ATG10: variants seen among roughly 807,000 people sequenced by gnomAD.
The protein encoded by ATG10 is autophagy related 10.
In ATG10, 30 loss-of-function variants were observed where a neutral mutation model predicts 32.1. The ratio of observed to expected loss-of-function variants is 0.94; its 90% confidence interval spans 0.70 to 1.27. The LOEUF is 1.27. Ranked by LOEUF, ATG10 falls within the 50% of genes most tolerant of loss-of-function variation. The pLI is 0.00. For missense variants in ATG10, 233 were observed against 262.3 expected (o/e 0.89, Z 0.77); for synonymous variants, 87 against 91.5 (o/e 0.95, Z 0.28).
intron 5 of ATG10, among the ~76,000 whole-genome samples, chr5:82,230,070 C>T (rs867294167): frequency 6.6e-6 from 1 of 152,148 alleles, no homozygotes; most frequent in African/African-American, 2.4e-5. Context: ...GAGCCCTAAC[C>T]CTTTGCATGT....
chr5:81,999,071 A>G (rs926949017), intron 2 of ATG10, among the ~76,000 whole-genome samples: 1 of 151,680 alleles, frequency 6.6e-6, no homozygotes, highest in Non-Finnish European at 1.5e-5. Context: ...GAAACAACAG[A>G]CTATACATTC....
chr5:82,173,589 GCTCA>G (rs1355978819), intron 4 of ATG10, among the ~76,000 whole-genome samples: 3 of 152,058 alleles, frequency 2.0e-5, no homozygotes, highest in African/African-American at 7.2e-5. Context: ...AATTTACCAT[GCTCA>G]CTATGTAGGT....
intron 5 of ATG10, among the ~76,000 whole-genome samples, chr5:82,235,844 C>T (rs563381996): frequency 7.2e-5 from 11 of 152,292 alleles, no homozygotes; most frequent in Admixed American, 2.6e-4. Context: ...CTCTCTATGA[C>T]GCTATATAAA....
At chr5:81,975,047 C>G (rs1245651125) in intron 1 of ATG10, among the ~76,000 whole-genome samples, 1 of 152,122 alleles carries the variant, frequency 6.6e-6, no homozygotes, top group Non-Finnish European at 1.5e-5. Flanking sequence ...AGCTGTGTTA[C>G]CTTGGACAAG....
chr5:82,204,729 C>CA (rs1332211080), intron 5 of ATG10, among the ~76,000 whole-genome samples: 5 of 152,070 alleles, frequency 3.3e-5, no homozygotes, highest in African/African-American at 1.2e-4. Flanking sequence ...GTGGAATTGA[C>CA]AGTGTTTGGG....
chr5:82,158,424 A>G (rs986398960), intron 3 of ATG10, among the ~76,000 whole-genome samples: 2 of 149,714 alleles, frequency 1.3e-5, no homozygotes, highest in African/African-American at 2.5e-5. Context: ...AGTTAGGACT[A>G]TAGTGGTTGC....
chr5:82,138,492 C>T (rs1470849397), intron 3 of ATG10, among the ~76,000 whole-genome samples: 2 of 152,130 alleles, frequency 1.3e-5, no homozygotes, highest in East Asian at 3.9e-4. Context: ...AGTTCCCCAA[C>T]CCCTTGTGCT....
chr5:82,027,479 A>T (rs1483968280), intron 2 of ATG10, among the ~76,000 whole-genome samples: 1 of 152,198 alleles, frequency 6.6e-6, no homozygotes, highest in East Asian at 1.9e-4. Flanking sequence ...TGAATATTTC[A>T]AAGTTTTAAT....
At chr5:81,973,550 T>C (rs986981942) in intron 1 of ATG10, among the ~76,000 whole-genome samples, 4 of 152,256 alleles carry the variant, frequency 2.6e-5, no homozygotes, top group Admixed American at 6.5e-5. Flanking sequence ...GTGAGTTTAA[T>C]AAATCTTTGT....
chr5:81,980,523 G>A (rs772342044), intron 1 of ATG10, among the ~76,000 whole-genome samples: 14 of 152,104 alleles, frequency 9.2e-5, no homozygotes, highest in African/African-American at 1.7e-4. Context: ...TGGGTACAAC[G>A]AAATTTATGA....
intron 3 of ATG10, among the ~76,000 whole-genome samples, chr5:82,130,599 G>T (rs1230340356): frequency 2.0e-5 from 3 of 151,638 alleles, no homozygotes; most frequent in Non-Finnish European, 2.9e-5. Flanking sequence ...CTAGGGGAGT[G>T]AGTTCCCCGA....
At position 82,164,506 on chromosome 5, in the gene ATG10, G is replaced by A. The variant is rs919705839; in HGVS notation, c.324G>A (p.Val108=). 7 of 1,613,554 alleles carry A rather than the reference G, an allele frequency of 4.3e-6. No homozygotes were observed. Among genetic ancestry groups the A allele is most frequent in the Non-Finnish European group, 5.1e-6 (6 of 1,179,610 alleles). The part of the protein sequence containing the change: ...YHVLYSCSYQ[V]PVLYFRASFL... ...TCTTATATTCCTGTAGCTACCAAGTGCCTGTACTTTACTTTAGGGCAAGCT... is the reference window on the plus strand; with the variant it reads ...TCTTATATTCCTGTAGCTACCAAGTACCTGTACTTTACTTTAGGGCAAGCT... The change falls in exon 4 of 8, where the codon GTG becomes GTA. Residue 108 remains valine, a synonymous_variant. Transcript: ENST00000282185.
intron 3 of ATG10, among the ~76,000 whole-genome samples, chr5:82,058,883 G>C (rs1763684483): frequency 6.6e-6 from 1 of 152,106 alleles, no homozygotes; most frequent in South Asian, 2.1e-4. Context: ...TTGTGGTAAA[G>C]TTATATAAGA....
At chr5:82,125,980 A>G (rs1766261163) in intron 3 of ATG10, among the ~76,000 whole-genome samples, 1 of 151,232 alleles carries the variant, frequency 6.6e-6, no homozygotes, top group African/African-American at 2.4e-5. Flanking sequence ...TTCTCCTTGA[A>G]GAGGTCCTTC....
At chr5:82,135,074 C>T (rs530534388) in intron 3 of ATG10, among the ~76,000 whole-genome samples, 11 of 151,698 alleles carry the variant, frequency 7.3e-5, no homozygotes, top group East Asian at 3.9e-4. Context: ...GGTGATCTCC[C>T]CTTTATCATT....
intron 5 of ATG10, chr5:82,242,888 CA>C: frequency 2.3e-6 from 1 of 438,892 alleles, no homozygotes; most frequent in Non-Finnish European, 4.5e-6. Flanking sequence ...AAATGGTAAG[CA>C]AAAAGAATAG....
chr5:82,129,525 T>G (rs1002391056), intron 3 of ATG10, among the ~76,000 whole-genome samples: 1 of 152,124 alleles, frequency 6.6e-6, no homozygotes, highest in African/African-American at 2.4e-5. Context: ...GGATGGGGTT[T>G]CTTTGTGGAC....
At chr5:82,058,369 A>G (rs187760227) in intron 2 of ATG10, 126 bp from the exon 3 acceptor site, 2 of 663,328 alleles carry the variant, frequency 3.0e-6, no homozygotes, top group East Asian at 2.6e-5. Context: ...CTTTATCCAT[A>G]TAGTCTCATT....
intron 5 of ATG10, among the ~76,000 whole-genome samples, chr5:82,235,978 G>C (rs1282692227): frequency 2.0e-5 from 3 of 152,004 alleles, no homozygotes; most frequent in African/African-American, 4.8e-5. Context: ...TTTGTTTTTG[G>C]CTGTTGACTC....
Sources: gnomAD v4.1 joint callset for allele counts (sites outside exome capture counted in the v4.1 genomes callset) on GRCh38, gnomAD v4.1.1 for gene constraint, MANE v1.5 for transcripts, NCBI Gene and HGNC (gene_info 2026-07-23, HGNC 2026-07-21) for gene names.